Variants in MCAT observed in about 807,000 individuals in gnomAD.
MCAT encodes the protein malonyl-CoA-acyl carrier protein transacylase, mitochondrial.
Under a neutral mutation model 22.9 loss-of-function variants are expected in MCAT, and 22 were observed. The ratio of observed to expected loss-of-function variants is 0.96; its 90% CI spans 0.69 to 1.37. The LOEUF is 1.37. Ranked by LOEUF, MCAT falls within the 40% of genes most tolerant of loss-of-function variation. The pLI, the probability that MCAT is intolerant of heterozygous loss-of-function variation, is 0.00. For synonymous variants in MCAT, 240 were observed against 233.9 expected (o/e 1.03, Z -0.24); for missense variants, 534 against 533.6 (o/e 1.00, Z -0.01).
Position 43,143,101 on chromosome 22 carries a change from T to C in MCAT, c.248A>G (p.Asn83Ser), listed in dbSNP as rs371815831. ...GTAGAGTTCGCGGACGCGCGGGTAGTTGAGCAGACCGCGGCCCATGCCCAC... is the reference window on the plus strand; with the variant it reads ...GTAGAGTTCGCGGACGCGCGGGTAGCTGAGCAGACCGCGGCCCATGCCCAC... ...QVVGMGRGLL[N>S]YPRVRELYAA... Residue 83 changes from asparagine (N) to serine (S), a missense_variant, in exon 1 of 4, where the codon AAC becomes AGC. Asn to Ser is a conservative substitution (Grantham distance 46). Coordinates refer to ENST00000290429, the MANE Select transcript of MCAT (RefSeq NM_173467.5). The C allele has an allele frequency of 2.2e-5, 35 of 1,605,238 alleles. No individual in the cohort carries two copies. The East Asian group carries it at 2.7e-4, about 12-fold the overall frequency.
chr22:43,132,865 G>T lies in MCAT; in HGVS notation c.*178C>A. On this transcript the variant is annotated 3_prime_UTR_variant, in exon 4 of 4. Transcript: ENST00000290429. ...TTTTCCAAGGGGGAGAAATGGACTG[G>T]GTCATGTAAAGAAATACTCATTTTT... 1.6e-6 allele frequency: 1 copy of T among 606,780 alleles called. No individual in the cohort carries two copies. The highest frequency in any genetic ancestry group is 2.9e-6 in the Non-Finnish European group (1 of 344,258). The allele number at this position is 606,780 out of a possible 1,614,324, so 37.6% of individuals were successfully genotyped here. A position where few individuals can be genotyped will look rare whatever the true frequency, so the allele number is the denominator to read the frequency against.
intron 2 of MCAT, among the ~76,000 whole-genome samples, chr22:43,138,445 G>A (rs1321245103): frequency 6.6e-6 from 1 of 152,128 alleles, no homozygotes; most frequent in Non-Finnish European, 1.5e-5. Context: ...GATAATAAGA[G>A]TGGCCTGAGG....
chr22:43,141,777 G>A (rs889030513), intron 1 of MCAT, among the ~76,000 whole-genome samples: 1 of 152,138 alleles, frequency 6.6e-6, no homozygotes, highest in Non-Finnish European at 1.5e-5. Flanking sequence ...TCACCATGTT[G>A]GCCAGGCTGG....
intron 1 of MCAT, among the ~76,000 whole-genome samples, chr22:43,142,550 G>T (rs914604863): frequency 5.3e-5 from 8 of 152,048 alleles, no homozygotes; most frequent in East Asian, 1.9e-4. Flanking sequence ...ACTTTGGGAG[G>T]CCGAGGCGGG....
rs1165285708 is a variant in MCAT, at chr22:43,137,732, A to C, written c.512-434T>G. On this transcript the variant is annotated intron_variant, in intron 2 of 3. Coordinates refer to ENST00000290429, the MANE Select transcript of MCAT (RefSeq NM_173467.5). Reference sequence around the variant, plus strand: ...ACAAATGACCTGGCCCAATAGCGCCACTGTTTTTTTTTTTTTTTAAATAGT... The same window carrying C: ...ACAAATGACCTGGCCCAATAGCGCCCCTGTTTTTTTTTTTTTTTAAATAGT... Among the ~76,000 whole-genome samples the C allele has an allele frequency of 2.3e-4, 31 of 136,968 alleles. No homozygotes were observed. In the East Asian group the frequency reaches 5.1e-3, roughly 23 times the overall value. 89.9% of individuals were successfully genotyped at this position (136,968 alleles called of 152,430 possible). A position where few individuals can be genotyped will look rare whatever the true frequency, so the allele number is the denominator to read the frequency against.
chr22:43,137,676 G>A (rs1318641764), intron 2 of MCAT, among the ~76,000 whole-genome samples: 5 of 152,032 alleles, frequency 3.3e-5, no homozygotes, highest in Admixed American at 3.3e-4. Flanking sequence ...ATGCTGCACT[G>A]CACAGGTCAG....
At chr22:43,142,281 C>T (rs1930789471) in intron 1 of MCAT, among the ~76,000 whole-genome samples, 1 of 152,170 alleles carries the variant, frequency 6.6e-6, no homozygotes, top group Non-Finnish European at 1.5e-5. Context: ...GTAATCCTAG[C>T]ACTTTGGGAG....
chr22:43,137,724 A>G (rs972703348), intron 2 of MCAT, among the ~76,000 whole-genome samples: 4 of 148,362 alleles, frequency 2.7e-5, no homozygotes, highest in African/African-American at 1.0e-4. Flanking sequence ...ACCTGGCCCA[A>G]TAGCGCCACT....
At position 43,133,221 on chromosome 22, in the gene MCAT, G is replaced by T; in HGVS notation, c.995C>A (p.Ala332Asp). 1 of 1,614,226 alleles carries T rather than the reference G, an allele frequency of 6.2e-7. No individual in the cohort carries two copies. Among genetic ancestry groups the T allele is most frequent in the Admixed American group, 1.7e-5 (1 of 60,026 alleles). The change falls in exon 4 of 4, where the codon GCC becomes GAC. Residue 332 changes from alanine (A) to aspartate (D), a missense_variant. Coordinates refer to ENST00000290429, the MANE Select transcript of MCAT (RefSeq NM_173467.5). ...CCTGCCCTTTTTCCTTTCGTATATG[G>T]CATGCATCGTCTGCTCCCACTTCAC... The part of the protein sequence containing the change: ...SPVKWEQTMH[A>D]IYERKKGRGF...
Position 43,137,318 on chromosome 22 carries a change from T to A in MCAT, c.512-20A>T. 6.2e-7 allele frequency: 1 copy of A among 1,602,650 alleles called. No homozygotes were observed. On this transcript the variant is annotated intron_variant, in intron 2 of 3. Transcript: ENST00000290429. ...ACAAACCTGGCCAGAGAGAAGCGCA[T>A]TTGGAAAAATGAGGGCACAGAATGA...
intron 3 of MCAT, among the ~76,000 whole-genome samples, chr22:43,135,156 CT>C (rs1258560588): frequency 2.0e-5 from 3 of 152,238 alleles, no homozygotes; most frequent in African/African-American, 7.2e-5. Context: ...GGCTTCCCCC[CT>C]GAGGGGGTAC....
rs769506137 is a variant in MCAT, at chr22:43,137,153, G to T, written c.657C>A (p.Gly219=). 6.2e-7 allele frequency: 1 copy of T among 1,614,156 alleles called. No individual in the cohort carries two copies. The highest frequency in any genetic ancestry group is 8.5e-7 in the Non-Finnish European group (1 of 1,180,038). ...LEAREHCKSL[G]IENPVCEVSN... ...ACACTTCACATACGGGGTTCTCTATGCCTAAAGACTTGCAGTGTTCCCGGG... is the reference window on the plus strand; with the variant it reads ...ACACTTCACATACGGGGTTCTCTATTCCTAAAGACTTGCAGTGTTCCCGGG... Residue 219 remains glycine, a synonymous_variant, in exon 3 of 4, where the codon GGC becomes GGA. Transcript: ENST00000290429.
intron 3 of MCAT, among the ~76,000 whole-genome samples, chr22:43,134,034 G>A (rs992281427): frequency 6.6e-6 from 1 of 152,076 alleles, no homozygotes; most frequent in Non-Finnish European, 1.5e-5. Flanking sequence ...CCAAAGTGCT[G>A]GGATTACAGG....
intron 3 of MCAT, among the ~76,000 whole-genome samples, chr22:43,136,720 G>A (rs891826296): frequency 2.6e-5 from 4 of 152,370 alleles, no homozygotes; most frequent in Admixed American, 6.5e-5. Context: ...AGGGCAGGCA[G>A]AGCAATCTAG....
chr22:43,132,721 T>G lies in MCAT; in HGVS notation c.*322A>C. ...CAGGACAGGCTGCAGCAGCCAGTCC[T>G]CCCCTTCCCGCTGAGATGGCACACC... On this transcript the variant is annotated 3_prime_UTR_variant, in exon 4 of 4. Coordinates refer to ENST00000290429, the MANE Select transcript of MCAT (RefSeq NM_173467.5). 2.9e-6 allele frequency: 1 copy of G among 345,926 alleles called. No individual in the cohort carries two copies. Among genetic ancestry groups the G allele is most frequent in the Non-Finnish European group, 5.4e-6 (1 of 184,830 alleles). 21.4% of individuals were successfully genotyped at this position (345,926 alleles called of 1,614,324 possible).
chr22:43,136,569 T>A (rs1417723433), intron 3 of MCAT, among the ~76,000 whole-genome samples: 1 of 152,196 alleles, frequency 6.6e-6, no homozygotes, highest in African/African-American at 2.4e-5. Context: ...TTCACGGGGC[T>A]CTTCCTTTGA....
chr22:43,141,996 G>A (rs749986051), intron 1 of MCAT, among the ~76,000 whole-genome samples: 1 of 152,226 alleles, frequency 6.6e-6, no homozygotes, highest in Non-Finnish European at 1.5e-5. Context: ...CCAGACTAGG[G>A]TAAGCAGTGA....
At position 43,137,043 on chromosome 22, in the gene MCAT, T is replaced by G. The variant is rs543281706; in HGVS notation, c.729+38A>C. On this transcript the variant is annotated intron_variant, in intron 3 of 3. Transcript: ENST00000290429. ...GTGGAGCAGTTCCAACCCTCCGTAC[T>G]GGACTGGCCTATGAAGGCAGTTCCC... 5 of 1,567,672 alleles carry G rather than the reference T, an allele frequency of 3.2e-6. No individual in the cohort carries two copies. The African/African-American group carries it at 5.4e-5, about 17-fold the overall frequency.
rs1306838510 is a variant in MCAT, at chr22:43,143,314, C to G, written c.35G>C (p.Arg12Thr). 1.4e-6 allele frequency: 2 copies of G among 1,411,464 alleles called. No homozygotes were observed. The highest frequency in any genetic ancestry group is 1.8e-6 in the Non-Finnish European group (2 of 1,095,300). 87.4% of individuals were successfully genotyped at this position (1,411,464 alleles called of 1,614,324 possible). Residue 12 changes from arginine (R) to threonine (T), a missense_variant, in exon 1 of 4, where the codon AGG becomes ACG. Transcript: ENST00000290429. ...GCGGCGGTAGCTGGCGCCCAAGCCC[C>G]TGACCCACGCTACCCGTGCGACCCG... ...SVRVARVAWV[R>T]GLGASYRRGA...
Sources: allele counts gnomAD v4.1 joint callset (sites outside exome capture counted in the v4.1 genomes callset), GRCh38; gene constraint gnomAD v4.1.1; transcripts MANE v1.5; gene names NCBI Gene and HGNC (gene_info 2026-07-23, HGNC 2026-07-21).